The following SPPL3 variants were observed in gnomAD, a reference collection of about 807,000 sequenced individuals.
SPPL3 encodes the protein signal peptide peptidase like 3.
SPPL3 carries 5 observed loss-of-function variants against 42.4 expected under a neutral mutation model. The observed-to-expected ratio is 0.12, with a 90% CI of 0.06 to 0.25. SPPL3 has a LOEUF of 0.25. Among genes scored for constraint, SPPL3 ranks in the 10% least tolerant of loss-of-function variants. The pLI is 1.00. For synonymous variants in SPPL3, 195 were observed against 181.8 expected, an observed-to-expected ratio of 1.07 and a Z score of -0.58; for missense variants, 235 against 489.0, an observed-to-expected ratio of 0.48 and a Z score of 4.90.
chr12:120,853,913 AAAC>A lies in SPPL3; in HGVS notation c.24-43030_24-43028del, dbSNP rs1431361433. On this transcript the variant is annotated intron_variant, in intron 1 of 10. Transcript: ENST00000353487. ...ATGAATTTGTATTTGGAATAGCAAA[AAAC>A]AACAACAAAACCCAAACCCAAAACC... Among the ~76,000 whole-genome samples the A allele has an allele frequency of 2.0e-4, 30 of 151,886 alleles. No homozygotes were observed. The East Asian group carries it at 3.3e-3, about 17-fold the overall frequency.
intron 1 of SPPL3, among the ~76,000 whole-genome samples, chr12:120,879,392 T>C (rs1873213385): frequency 6.6e-6 from 1 of 152,070 alleles, no homozygotes; most frequent in South Asian, 2.1e-4. Context: ...TACTGTCCTT[T>C]GATTTGAAAC....
intron 6 of SPPL3, among the ~76,000 whole-genome samples, chr12:120,781,095 G>C (rs1869520375): frequency 6.6e-6 from 1 of 152,158 alleles, no homozygotes; most frequent in Non-Finnish European, 1.5e-5. Context: ...ACTTCAAAGA[G>C]TTGTTCTGAG....
chr12:120,876,630 A>AAAGAAAAAG (rs1873102233), intron 1 of SPPL3, among the ~76,000 whole-genome samples: 1 of 150,712 alleles, frequency 6.6e-6, no homozygotes, highest in African/African-American at 2.4e-5. Context: ...AAAAAAAAAA[A>AAAGAAAAAG]AAAAAAGAAG....
At position 120,767,409 on chromosome 12, in the gene SPPL3, T is replaced by C; in HGVS notation, c.958A>G (p.Ile320Val). The C allele has an allele frequency of 1.2e-6, 2 of 1,613,000 alleles. No individual in the cohort carries two copies. The highest frequency in any genetic ancestry group is 8.5e-7 in the Non-Finnish European group (1 of 1,180,020). ...GTTCTCTTACCTACAAAGTATCCGA[T>C]GAGGGTGCAGTGAAAGTAGGAGACC... ...QKVSYFHCTL[I>V]GYFVGLLTAT... The change falls in exon 9 of 11, where the codon ATC becomes GTC. Residue 320 changes from isoleucine to valine, a missense_variant. Around this residue, in one of 6 missense-constraint regions of SPPL3, gnomAD observed 38 missense variants for 105.2 expected, o/e 0.36. Transcript: ENST00000353487.
At chr12:120,800,515 C>CA (rs908207426) in intron 2 of SPPL3, among the ~76,000 whole-genome samples, 1 of 151,804 alleles carries the variant, frequency 6.6e-6, no homozygotes, top group African/African-American at 2.4e-5. Flanking sequence ...AACAAAAAAA[C>CA]AAAAAACAAA....
At chr12:120,786,350 T>C (rs1592961527) in intron 3 of SPPL3, among the ~76,000 whole-genome samples, 1 of 152,324 alleles carries the variant, frequency 6.6e-6, no homozygotes, top group Middle Eastern at 3.4e-3. Context: ...TGCTCTACAG[T>C]AGTTCAAAGA....
intron 1 of SPPL3, among the ~76,000 whole-genome samples, chr12:120,866,295 C>T (rs183442579): frequency 6.6e-5 from 10 of 152,290 alleles, no homozygotes; most frequent in African/African-American, 1.7e-4. Flanking sequence ...AAGGTACCTC[C>T]GCCAAATCTA....
chr12:120,766,087 G>A (rs985531123), intron 10 of SPPL3, among the ~76,000 whole-genome samples, 176 bp downstream of exon 10: 4 of 143,814 alleles, frequency 2.8e-5, no homozygotes, highest in Non-Finnish European at 6.0e-5. Context: ...TAACGCCAGG[G>A]TAGCGCGCGC....
chr12:120,799,349 A>G (rs1247648165), intron 2 of SPPL3, among the ~76,000 whole-genome samples: 2 of 152,248 alleles, frequency 1.3e-5, no homozygotes, highest in Admixed American at 6.5e-5. Flanking sequence ...TACTTGAAGT[A>G]TGCTTTCTAC....
chr12:120,786,164 T>C (rs1264601198), intron 3 of SPPL3, among the ~76,000 whole-genome samples: 1 of 152,186 alleles, frequency 6.6e-6, no homozygotes, highest in Non-Finnish European at 1.5e-5. Context: ...ACAATTCAAT[T>C]TAGGAAAAGT....
intron 1 of SPPL3, among the ~76,000 whole-genome samples, chr12:120,902,617 G>C (rs964794621): frequency 6.6e-6 from 1 of 152,132 alleles, no homozygotes; most frequent in Non-Finnish European, 1.5e-5. Flanking sequence ...AAAGCAAGTT[G>C]GTGGCAAACC....
chr12:120,889,459 G>A (rs1313451732), intron 1 of SPPL3, among the ~76,000 whole-genome samples: 4 of 152,220 alleles, frequency 2.6e-5, no homozygotes, highest in East Asian at 1.9e-4. Context: ...AAATGGCAGT[G>A]TGCCAGTTCT....
chr12:120,806,899 G>A (rs577653168), intron 2 of SPPL3, among the ~76,000 whole-genome samples: 1 of 151,528 alleles, frequency 6.6e-6, no homozygotes, highest in South Asian at 2.1e-4. Flanking sequence ...TTGTACCCAT[G>A]TACCAATTTA....
At chr12:120,885,631 C>T (rs1873429902) in intron 1 of SPPL3, among the ~76,000 whole-genome samples, 1 of 152,064 alleles carries the variant, frequency 6.6e-6, no homozygotes, top group Non-Finnish European at 1.5e-5. Context: ...AATCCTCTGT[C>T]ACTGGAGCAC....
At chr12:120,840,463 G>A (rs625228) in intron 1 of SPPL3, among the ~76,000 whole-genome samples, 66,550 of 151,676 alleles carry the variant, frequency 0.44, 14,907 homozygotes, top group East Asian at 0.56. Flanking sequence ...GGGCTGGGGT[G>A]GGAAAATAAA....
chr12:120,824,687 C>T (rs1381970448), intron 1 of SPPL3, among the ~76,000 whole-genome samples: 1 of 152,152 alleles, frequency 6.6e-6, no homozygotes, highest in African/African-American at 2.4e-5. Flanking sequence ...CATGCCACCA[C>T]ATCAGGCTAA....
chr12:120,807,700 A>G (rs1870546347), intron 2 of SPPL3, among the ~76,000 whole-genome samples: 1 of 152,016 alleles, frequency 6.6e-6, no homozygotes, highest in African/African-American at 2.4e-5. Context: ...AAAAAAGAGA[A>G]AGAAAAAGAA....
chr12:120,818,413 A>G (rs1290168248), intron 1 of SPPL3, among the ~76,000 whole-genome samples: 1 of 152,224 alleles, frequency 6.6e-6, no homozygotes, highest in Non-Finnish European at 1.5e-5. Flanking sequence ...GAGTTACCAG[A>G]AATGTCTCTC....
intron 1 of SPPL3, among the ~76,000 whole-genome samples, chr12:120,895,698 C>T (rs934445983): frequency 5.9e-5 from 9 of 152,152 alleles, no homozygotes; most frequent in Admixed American, 5.2e-4. Context: ...CGTGCTTTCA[C>T]GGAGCACTTT....
Sources: gnomAD v4.1 joint callset for allele counts (sites outside exome capture counted in the v4.1 genomes callset) on GRCh38, gnomAD v4.1.1 for gene constraint, gnomAD v4.1.1 regional missense constraint, MANE v1.5 for transcripts, NCBI Gene and HGNC (gene_info 2026-07-23, HGNC 2026-07-21) for gene names.